PTPRT: variants seen among roughly 807,000 people sequenced by gnomAD.
PTPRT encodes the protein protein tyrosine phosphatase receptor type T, also known as receptor-type tyrosine-protein phosphatase T.
A neutral mutation model predicts 176.8 loss-of-function variants in PTPRT; 56 were observed. The observed-to-expected ratio is 0.32, with a 90% CI of 0.26 to 0.40. The LOEUF is 0.40. Among genes scored for constraint, PTPRT ranks in the 10% least tolerant of loss-of-function variants. The pLI, the probability that PTPRT is intolerant of heterozygous loss-of-function variation, is 1.00. For synonymous variants in PTPRT, 783 were observed against 739.0 expected (o/e 1.06, Z -0.96); for missense variants, 1,540 against 1,908.2 (o/e 0.81, Z 3.60).
chr20:42,379,079 C>T (rs2058675896), intron 9 of PTPRT, among the ~76,000 whole-genome samples: 1 of 152,178 alleles, frequency 6.6e-6, no homozygotes, highest in East Asian at 1.9e-4. Flanking sequence ...AACATGTAAG[C>T]CTTTGCTTCT....
At chr20:42,385,298 G>A (rs540043162) in intron 9 of PTPRT, among the ~76,000 whole-genome samples, 79 of 152,220 alleles carry the variant, frequency 5.2e-4, no homozygotes, top group African/African-American at 1.6e-3. Context: ...AAGTCTTGCC[G>A]TATGTGACAA....
At chr20:42,394,595 G>C (rs921638798) in intron 9 of PTPRT, among the ~76,000 whole-genome samples, 2 of 152,176 alleles carry the variant, frequency 1.3e-5, no homozygotes, top group African/African-American at 4.8e-5. Flanking sequence ...CAATTCCGCA[G>C]CTTAGGATAT....
At chr20:42,203,137 C>T (rs978860785) in intron 15 of PTPRT, among the ~76,000 whole-genome samples, 3 of 151,972 alleles carry the variant, frequency 2.0e-5, no homozygotes, top group Non-Finnish European at 2.9e-5. Flanking sequence ...TGGCAATTGG[C>T]AAAGACAGCT....
intron 9 of PTPRT, among the ~76,000 whole-genome samples, chr20:42,373,871 T>A (rs1049908659): frequency 6.6e-6 from 1 of 152,142 alleles, no homozygotes; most frequent in Non-Finnish European, 1.5e-5. Context: ...AAGACCTGCA[T>A]CAGGAACCAC....
At chr20:42,699,575 C>A (rs1411305439) in intron 6 of PTPRT, among the ~76,000 whole-genome samples, 1 of 152,036 alleles carries the variant, frequency 6.6e-6, no homozygotes, top group East Asian at 1.9e-4. Flanking sequence ...TAATATGAAA[C>A]ACATAAGAGA....
chr20:42,411,170 C>T (rs1319757356), intron 9 of PTPRT, among the ~76,000 whole-genome samples: 1 of 152,118 alleles, frequency 6.6e-6, no homozygotes, highest in Non-Finnish European at 1.5e-5. Context: ...GAACGCCAGG[C>T]ATGGAGGCTC....
intron 18 of PTPRT, among the ~76,000 whole-genome samples, chr20:42,137,767 C>T (rs1988442834): frequency 6.6e-6 from 1 of 152,126 alleles, no homozygotes; most frequent in Non-Finnish European, 1.5e-5. Flanking sequence ...GCCCTAGAGC[C>T]ATCTGATGGG....
chr20:42,845,016 C>G (rs1439672647), intron 2 of PTPRT, among the ~76,000 whole-genome samples: 2 of 152,192 alleles, frequency 1.3e-5, no homozygotes, highest in African/African-American at 4.8e-5. Context: ...CGGGGACCAT[C>G]AGATTCAGCT....
intron 7 of PTPRT, among the ~76,000 whole-genome samples, chr20:42,492,001 G>T (rs1452402202): frequency 6.6e-6 from 1 of 152,124 alleles, no homozygotes; most frequent in Non-Finnish European, 1.5e-5. Context: ...CTCATCCAAG[G>T]TGTTACAGGT....
intron 1 of PTPRT, among the ~76,000 whole-genome samples, chr20:43,152,963 T>G (rs945762811): frequency 6.6e-6 from 1 of 152,234 alleles, no homozygotes; most frequent in African/African-American, 2.4e-5. Context: ...ATTTTTACCC[T>G]TCAACCAGGT....
chr20:42,363,309 T>A (rs1252662886), intron 9 of PTPRT, among the ~76,000 whole-genome samples: 25 of 101,584 alleles, frequency 2.5e-4, no homozygotes, highest in Non-Finnish European at 3.3e-4. Context: ...TATTTTTTTT[T>A]TTTTTTTTTT....
intron 8 of PTPRT, among the ~76,000 whole-genome samples, chr20:42,454,336 T>G (rs966963836): frequency 6.6e-6 from 1 of 152,192 alleles, no homozygotes; most frequent in Non-Finnish European, 1.5e-5. Context: ...ATATATAAGA[T>G]TTTACTAAGG....
chr20:42,783,953 G>T (rs2077252030), intron 3 of PTPRT, among the ~76,000 whole-genome samples: 2 of 152,164 alleles, frequency 1.3e-5, no homozygotes, highest in South Asian at 4.1e-4. Context: ...CTGAGTACAG[G>T]GAGTGGAGCA....
intron 11 of PTPRT, among the ~76,000 whole-genome samples, chr20:42,338,066 AC>A (rs1331551608): frequency 6.6e-4 from 100 of 152,314 alleles, no homozygotes; most frequent in Non-Finnish European, 1.2e-3. Context: ...GGCAGAGGCC[AC>A]CTTTTTAGGT....
chr20:42,127,580 A>G (rs1036561184), intron 19 of PTPRT, among the ~76,000 whole-genome samples: 3 of 152,182 alleles, frequency 2.0e-5, no homozygotes, highest in African/African-American at 7.2e-5. Context: ...AAACTGCACC[A>G]CCACACTTTA....
At position 42,449,506 on chromosome 20, in the gene PTPRT, C is replaced by T. The variant is rs537185289; in HGVS notation, c.1451-1177G>A. ...TTTATATTTTGGTATTATAAAAGCACTTACTCTTGGACTAGAATTTTACCT... is the reference window on the plus strand; with the variant it reads ...TTTATATTTTGGTATTATAAAAGCATTTACTCTTGGACTAGAATTTTACCT... On this transcript the variant is annotated intron_variant, in intron 8 of 30. Coordinates refer to ENST00000373187, the MANE Select transcript of PTPRT (RefSeq NM_007050.6). 1.6e-4 allele frequency among the ~76,000 whole-genome samples: 25 copies of T among 152,298 alleles called. No individual in the cohort carries two copies. The South Asian group carries it at 3.9e-3, about 24-fold the overall frequency.
At chr20:42,792,263 G>A (rs2077387725) in intron 2 of PTPRT, among the ~76,000 whole-genome samples, 2 of 152,194 alleles carry the variant, frequency 1.3e-5, no homozygotes, top group Admixed American at 1.3e-4. Context: ...AGTTCCATGA[G>A]AGCTAGAATA....
intron 1 of PTPRT, among the ~76,000 whole-genome samples, chr20:43,052,029 G>A (rs1374620237): frequency 3.3e-5 from 5 of 152,286 alleles, no homozygotes; most frequent in Non-Finnish European, 4.4e-5. Context: ...AACTACTTTT[G>A]ATACTTGAAC....
intron 1 of PTPRT, among the ~76,000 whole-genome samples, chr20:42,932,448 GA>G (rs1979921323): frequency 6.6e-6 from 1 of 152,218 alleles, no homozygotes; most frequent in African/African-American, 2.4e-5. Context: ...CCCAGAAGAA[GA>G]GCTCCAAAAG....
Sources: allele counts gnomAD v4.1 joint callset (sites outside exome capture counted in the v4.1 genomes callset), GRCh38; gene constraint gnomAD v4.1.1; transcripts MANE v1.5; gene names NCBI Gene and HGNC (gene_info 2026-07-23, HGNC 2026-07-21).